The following FBXO34 variants were observed in gnomAD, a reference collection of about 807,000 sequenced individuals.
FBXO34 encodes F-box only protein 34.
In FBXO34, 12 loss-of-function variants were observed where a neutral mutation model predicts 24.5. The ratio of observed to expected loss-of-function variants is 0.49; its 90% CI spans 0.31 to 0.79. The LOEUF is 0.79. FBXO34 is among the 30% of genes least tolerant of loss of function. The probability of loss-of-function intolerance (pLI) is 0.04; values close to 1 mark genes in which losing one functional copy is unlikely to be tolerated. For missense variants in FBXO34, 823 were observed against 857.7 expected, an observed-to-expected ratio of 0.96 and a Z score of 0.51; for synonymous variants, 320 against 311.9, an observed-to-expected ratio of 1.03 and a Z score of -0.27.
At chr14:55,381,265 TG>T in the FBXO34 span, among the ~76,000 whole-genome samples, 2 of 152,340 alleles carry the variant, frequency 1.3e-5, no homozygotes, top group African/African-American at 4.8e-5. Context: ...AAATATTTAC[TG>T]AGTGACGAAA....
At chr14:55,301,942 A>C (rs940815270) in intron 1 of FBXO34, among the ~76,000 whole-genome samples, 3 of 152,238 alleles carry the variant, frequency 2.0e-5, no homozygotes, top group African/African-American at 7.2e-5. Context: ...TTCAGCAGAT[A>C]GGCATTAGAT....
At chr14:55,368,066 C>A (rs187229302) in exon 3 of FBXO34, 1 of 152,350 alleles carries the variant, frequency 6.6e-6, no homozygotes, top group African/African-American at 2.4e-5. Flanking sequence ...CATAGGATTT[C>A]TTTTGGTAGT....
chr14:55,411,722 T>C, the FBXO34 span: 2 of 1,612,038 alleles, frequency 1.2e-6, no homozygotes, highest in South Asian at 2.2e-5. Context: ...GTACAGCCCC[T>C]CCGCATCGTC....
chr14:55,306,628 A>T (rs1882554426), intron 1 of FBXO34, among the ~76,000 whole-genome samples: 1 of 152,108 alleles, frequency 6.6e-6, no homozygotes, highest in Non-Finnish European at 1.5e-5. Flanking sequence ...AGGTCAGGAG[A>T]TGGAGACCAG....
chr14:55,412,674 A>G, the FBXO34 span, among the ~76,000 whole-genome samples: 2 of 152,354 alleles, frequency 1.3e-5, no homozygotes, highest in Non-Finnish European at 2.9e-5. Context: ...TAAATAGACC[A>G]GTGATTCTCA....
At position 55,359,138 on chromosome 14, in the gene FBXO34, C is replaced by T. The variant is rs748167068; in HGVS notation, c.*589-2595C>T. ...TGGACCTAGAGGGGCAAATGTGAAC[C>T]AGAAACAGCCTTCTGTGGGACATTT... is the stretch of plus-strand genomic sequence containing the variant. On this transcript the variant is annotated intron_variant and NMD_transcript_variant, in intron 3 of 3. Coordinates refer to the FBXO34 transcript ENST00000555280. 6.6e-5 allele frequency among the ~76,000 whole-genome samples: 10 copies of T among 152,088 alleles called. 1 individual carries two copies. Among genetic ancestry groups the T allele is most frequent in the Non-Finnish European group, 1.3e-4 (9 of 68,016 alleles).
At chr14:55,434,060 AAAGTT>A in the FBXO34 span, among the ~76,000 whole-genome samples, 4 of 152,336 alleles carry the variant, frequency 2.6e-5, no homozygotes, top group African/African-American at 9.6e-5. Flanking sequence ...AGGAAGTGGT[AAAGTT>A]AAGATTCAAA....
At chr14:55,424,839 T>C in the FBXO34 span, among the ~76,000 whole-genome samples, 6 of 152,158 alleles carry the variant, frequency 3.9e-5, no homozygotes, top group South Asian at 2.1e-4. Flanking sequence ...GGCCACTCCA[T>C]GGAGCGAAAG....
intron 1 of FBXO34, chr14:55,299,359 T>C (rs1368602279): frequency 2.9e-6 from 1 of 349,576 alleles, no homozygotes; most frequent in Non-Finnish European, 5.3e-6. Flanking sequence ...GCTCGCTCTC[T>C]GCATAGCATG....
chr14:55,367,327 A>G (rs1884702096), exon 3 of FBXO34: 2 of 152,196 alleles, frequency 1.3e-5, no homozygotes, highest in Non-Finnish European at 2.9e-5. Flanking sequence ...CGTTAAGTTT[A>G]TTTATCTGTT....
chr14:55,354,535 A>C (rs1480342548), downstream of FBXO34: 1 of 152,300 alleles, frequency 6.6e-6, no homozygotes, highest in Non-Finnish European at 1.5e-5. Flanking sequence ...CATGTGGGAC[A>C]CAAAGCTGTG....
chr14:55,378,987 C>T, the FBXO34 span, among the ~76,000 whole-genome samples: 1 of 152,086 alleles, frequency 6.6e-6, no homozygotes, highest in Non-Finnish European at 1.5e-5. Context: ...GGATTACAGG[C>T]AGGCATGAGC....
the FBXO34 span, among the ~76,000 whole-genome samples, chr14:55,426,551 T>TC: frequency 6.6e-6 from 1 of 152,042 alleles, no homozygotes; most frequent in East Asian, 1.9e-4. Context: ...AATTCAAATC[T>TC]TCTAAGAGGT....
intron 1 of FBXO34, among the ~76,000 whole-genome samples, chr14:55,291,944 T>A (rs991750217): frequency 1.1e-4 from 17 of 152,116 alleles, no homozygotes; most frequent in African/African-American, 4.1e-4. Context: ...CCAGCCTGCG[T>A]GACAAAGTAA....
the FBXO34 span, chr14:55,413,688 G>A: frequency 3.0e-6 from 1 of 331,530 alleles, no homozygotes; most frequent in Non-Finnish European, 6.0e-6. Flanking sequence ...GTCTTTTTCT[G>A]ATTATTTACC....
downstream of FBXO34, among the ~76,000 whole-genome samples, chr14:55,365,865 T>C (rs1252818710): frequency 6.6e-6 from 1 of 152,146 alleles, no homozygotes; most frequent in African/African-American, 2.4e-5. Flanking sequence ...TGGTATCTTC[T>C]CCACCACCTG....
chr14:55,351,639 T>A lies in FBXO34; in HGVS notation c.1249T>A (p.Ser417Thr). The A allele has an allele frequency of 1.2e-6, 2 of 1,614,214 alleles. No homozygotes were observed. The highest frequency in any genetic ancestry group is 1.7e-6 in the Non-Finnish European group (2 of 1,180,036). The change falls in exon 2 of 2, where the codon TCC becomes ACC. Residue 417 changes from serine (S) to threonine (T), a missense_variant. By Grantham distance (58) the Ser-to-Thr change is moderately conservative. Coordinates refer to ENST00000313833, the MANE Select transcript of FBXO34 (RefSeq NM_017943.4). ...AGATGAACTCGTTGGGTTACCTTTT[T>A]CCTCTCATACCTATTCCCAAGCCTC... ...MTDELVGLPFSSHTYSQASEL... is the reference protein window; with the variant it reads ...MTDELVGLPFTSHTYSQASEL...
chr14:55,300,344 G>A (rs1216078338), intron 1 of FBXO34, among the ~76,000 whole-genome samples: 1 of 152,164 alleles, frequency 6.6e-6, no homozygotes, highest in Non-Finnish European at 1.5e-5. Flanking sequence ...TGCAATCCCA[G>A]CACTTTAGGA....
At chr14:55,381,139 T>C in the FBXO34 span, among the ~76,000 whole-genome samples, 28 of 152,072 alleles carry the variant, frequency 1.8e-4, no homozygotes, top group Non-Finnish European at 5.9e-5. Context: ...AGCATCTCGA[T>C]CATTTACTTG....
Sources: gnomAD v4.1 joint callset for allele counts (sites outside exome capture counted in the v4.1 genomes callset) on GRCh38, gnomAD v4.1.1 for gene constraint, MANE v1.5 for transcripts, NCBI Gene and HGNC (gene_info 2026-07-23, HGNC 2026-07-21) for gene names.